LARS1: variants seen among roughly 807,000 people sequenced by gnomAD.
The protein encoded by LARS1 is leucine--tRNA ligase, cytoplasmic.
A neutral mutation model predicts 162.8 loss-of-function variants in LARS1; 100 were observed. The observed-to-expected ratio is 0.61, with a 90% CI of 0.52 to 0.73. The LOEUF (loss-of-function observed/expected upper bound fraction) is 0.73. LARS1 is among the 30% of genes least tolerant of loss of function. The pLI, the probability that LARS1 is intolerant of heterozygous loss-of-function variation, is 0.00. For missense variants in LARS1, 1,258 were observed against 1,408.9 expected (o/e 0.89, Z 1.71); for synonymous variants, 457 against 462.8 (o/e 0.99, Z 0.16).
At chr5:146,134,377 C>A (rs538579690) in intron 22 of LARS1, among the ~76,000 whole-genome samples, 1 of 152,142 alleles carries the variant, frequency 6.6e-6, no homozygotes, top group East Asian at 1.9e-4. Context: ...GCTTATATAT[C>A]TTGTAAGAAA....
intron 22 of LARS1, 96 bp from the exon 23 acceptor site, chr5:146,133,177 A>T: frequency 9.9e-7 from 1 of 1,005,742 alleles, no homozygotes; most frequent in Non-Finnish European, 1.4e-6. Flanking sequence ...CAAAGCCCAT[A>T]TATAAATTAA....
intron 15 of LARS1, among the ~76,000 whole-genome samples, chr5:146,145,230 C>T (rs1261396475): frequency 6.6e-6 from 1 of 151,940 alleles, no homozygotes; most frequent in African/African-American, 2.4e-5. Context: ...ACTACAGGCA[C>T]ATGTCAACCC....
chr5:146,161,651 G>A (rs1474861823), intron 6 of LARS1, among the ~76,000 whole-genome samples: 1 of 152,036 alleles, frequency 6.6e-6, no homozygotes, highest in East Asian at 1.9e-4. Context: ...TACTAGGGAG[G>A]CTGAGGCAGG....
chr5:146,143,444 C>A lies in LARS1; in HGVS notation c.1845G>T (p.Leu615Phe). ...TVAHLLQGGN[L>F]HGQAESPLGI... ...CCAGCGGAGACTCTGCCTGTCCATG[C>A]AAGTTACCCCCCTGCAATAGGTGTG... Residue 615 changes from leucine (L) to phenylalanine (F), a missense_variant, in exon 19 of 32, where the codon TTG becomes TTT. Physicochemically the swap from Leu to Phe is conservative, Grantham distance 22 (BLOSUM62 0). Transcript: ENST00000394434. 1.2e-6 allele frequency: 2 copies of A among 1,613,690 alleles called. No homozygotes were observed. Among genetic ancestry groups the A allele is most frequent in the Non-Finnish European group, 1.7e-6 (2 of 1,179,692 alleles).
chr5:146,138,075 A>C (rs2939526), intron 21 of LARS1: 1 of 151,076 alleles, frequency 6.6e-6, no homozygotes, highest in African/African-American at 2.5e-5. Flanking sequence ...AGCCGAGATT[A>C]CGTCATTGCA....
At position 146,126,942 on chromosome 5, in the gene LARS1, G is replaced by A. The variant is rs145749425; in HGVS notation, c.2881-397C>T. ...TGCTTTTGGACACTTGGAAGAAACTGTTACCACAATTGTGAAAAGAATCCC... is the reference window on the plus strand; with the variant it reads ...TGCTTTTGGACACTTGGAAGAAACTATTACCACAATTGTGAAAAGAATCCC... On this transcript the variant is annotated intron_variant, in intron 27 of 31. Coordinates refer to ENST00000394434, the MANE Select transcript of LARS1 (RefSeq NM_020117.11). Among the ~76,000 whole-genome samples, 17 of 152,140 alleles carry A rather than the reference G, an allele frequency of 1.1e-4. No homozygotes were observed. In the East Asian group the frequency reaches 3.3e-3, roughly 29 times the overall value.
chr5:146,167,336 T>A (rs986598696), intron 5 of LARS1, among the ~76,000 whole-genome samples: 4 of 152,204 alleles, frequency 2.6e-5, no homozygotes, highest in Non-Finnish European at 5.9e-5. Flanking sequence ...TATACTATCT[T>A]GCAGTTCTTC....
At chr5:146,116,009 C>T (rs9325003) in intron 31 of LARS1, among the ~76,000 whole-genome samples, 151,103 of 152,276 alleles carry the variant, frequency 0.99, 74,985 homozygotes, top group Middle Eastern at 1. Context: ...CTGTCCTCTT[C>T]GGGAAACAAA....
chr5:146,134,558 T>C (rs1752426382), intron 22 of LARS1, among the ~76,000 whole-genome samples: 1 of 152,214 alleles, frequency 6.6e-6, no homozygotes, highest in African/African-American at 2.4e-5. Flanking sequence ...ATTTCTTCTC[T>C]TGACACGATA....
intron 31 of LARS1, among the ~76,000 whole-genome samples, chr5:146,115,581 C>CCA (rs1764170462): frequency 4.9e-5 from 1 of 20,584 alleles, no homozygotes; most frequent in Non-Finnish European, 1.1e-4. Flanking sequence ...AGCGCCTGAC[C>CCA]AAAAAAAAAA....
intron 20 of LARS1, among the ~76,000 whole-genome samples, chr5:146,141,275 C>T (rs971678647): frequency 2.0e-5 from 3 of 152,128 alleles, no homozygotes; most frequent in Non-Finnish European, 2.9e-5. Context: ...CAGTACACTT[C>T]CCTGCCTACA....
chr5:146,128,639 C>G (rs752606462), intron 27 of LARS1, 33 bp downstream of exon 27: 1 of 1,412,778 alleles, frequency 7.1e-7, no homozygotes, highest in Non-Finnish European at 9.6e-7. Context: ...CATACAACAC[C>G]ATCAGGGGGG....
At chr5:146,174,799 T>C (rs1013596823) in intron 2 of LARS1, among the ~76,000 whole-genome samples, 9 of 151,568 alleles carry the variant, frequency 5.9e-5, no homozygotes, top group Non-Finnish European at 1.0e-4. Flanking sequence ...TTGAGAAGAT[T>C]AAGGCCAGGC....
At position 146,122,515 on chromosome 5, in the gene LARS1, G is replaced by C; in HGVS notation, c.3169C>G (p.Pro1057Ala). 1 of 1,603,618 alleles carries C rather than the reference G, an allele frequency of 6.2e-7. No individual in the cohort carries two copies. Among genetic ancestry groups the C allele is most frequent in the South Asian group, 1.1e-5 (1 of 90,318 alleles). The change falls in exon 30 of 32, where the codon CCA becomes GCA. Residue 1057 changes from proline to alanine, a missense_variant. Transcript: ENST00000394434. ...KIREDCCPGKPLNVFRIEPGV... is the reference protein window; with the variant it reads ...KIREDCCPGKALNVFRIEPGV... ...ACTTCTATTCTAAAAACATTAAGTG[G>C]TTTCCCAGGACAGCAGTCTTCCCTG...
At chr5:146,135,855 G>C (rs538402325) in intron 21 of LARS1, among the ~76,000 whole-genome samples, 191 bp from the exon 22 acceptor site, 1 of 152,308 alleles carries the variant, frequency 6.6e-6, no homozygotes, top group East Asian at 1.9e-4. Context: ...TGCCTTGTTT[G>C]GGTTACTCAG....
intron 2 of LARS1, among the ~76,000 whole-genome samples, chr5:146,174,592 A>ATG (rs1754466430): frequency 9.3e-6 from 1 of 107,186 alleles, no homozygotes; most frequent in Non-Finnish European, 2.2e-5. Context: ...ATATCCATAT[A>ATG]TATATATATA....
At chr5:146,153,854 G>A (rs1753405278) in intron 11 of LARS1, 39 bp downstream of exon 11, 3 of 1,607,898 alleles carry the variant, frequency 1.9e-6, no homozygotes, top group Non-Finnish European at 2.6e-6. Context: ...ACCAAAATGT[G>A]TTTATCAAAA....
rs756391324 is a variant in LARS1 at position 146,131,115 on chromosome 5, G to A, written c.2397-6C>T. 2 of 1,434,880 alleles carry A rather than the reference G, an allele frequency of 1.4e-6. No individual in the cohort carries two copies. Among genetic ancestry groups the A allele is most frequent in the Non-Finnish European group, 1.9e-6 (2 of 1,041,142 alleles). The allele number at this position is 1,434,880 out of a possible 1,614,324, so 88.9% of individuals were successfully genotyped here. A position where few individuals can be genotyped will look rare whatever the true frequency, so the allele number is the denominator to read the frequency against. On this transcript the variant is annotated splice_polypyrimidine_tract_variant and splice_region_variant and intron_variant, in intron 23 of 31. Coordinates refer to ENST00000394434, the MANE Select transcript of LARS1 (RefSeq NM_020117.11). ...TAATTCCTGCATTCAATTCACTATT[G>A]AATACGGGGAAAAAAAGGTTATTGA...
chr5:146,155,348 T>G (rs1420066540), intron 10 of LARS1, among the ~76,000 whole-genome samples: 2 of 152,042 alleles, frequency 1.3e-5, no homozygotes, highest in Non-Finnish European at 2.9e-5. Flanking sequence ...CAATGCTGAG[T>G]TAATTATACT....
Sources: allele counts gnomAD v4.1 joint callset (sites outside exome capture counted in the v4.1 genomes callset), GRCh38; gene constraint gnomAD v4.1.1; transcripts MANE v1.5; gene names NCBI Gene and HGNC (gene_info 2026-07-23, HGNC 2026-07-21).